Variants in ANAPC2 observed in about 807,000 individuals in gnomAD.
The protein encoded by ANAPC2 is anaphase promoting complex subunit 2.
ANAPC2 carries 29 observed loss-of-function variants against 84.3 expected under a neutral mutation model. That is an observed-to-expected ratio of 0.34 (90% CI 0.26 to 0.47). ANAPC2 has a LOEUF of 0.47. ANAPC2 is among the 20% of genes least tolerant of loss of function. ANAPC2 has a pLI of 1.00. For missense variants in ANAPC2, 857 were observed against 1,131.7 expected, an observed-to-expected ratio of 0.76 and a Z score of 3.48; for synonymous variants, 571 against 479.4, an observed-to-expected ratio of 1.19 and a Z score of -2.50.
intron 8 of ANAPC2, 113 bp from the exon 9 acceptor site, chr9:137,180,640 C>T: frequency 1.9e-6 from 3 of 1,572,400 alleles, no homozygotes; most frequent in South Asian, 1.1e-5. Flanking sequence ...GTGTGGGCAC[C>T]CCAATGGCTA....
intron 3 of ANAPC2, 150 bp downstream of exon 3, chr9:137,186,074 C>T (rs1834460971): frequency 9.1e-7 from 1 of 1,099,610 alleles, no homozygotes; most frequent in Non-Finnish European, 1.3e-6. Context: ...GTACTGGTCT[C>T]TACCCCACAT....
rs1159527437 is a variant in ANAPC2 at position 137,183,459 on chromosome 9, C to T, written c.1168+213G>A. ...AGAACTAAGTCTCATCACCTCAGAC[C>T]TACCGGTCAGTCCTGACTCCCTCCA... On this transcript the variant is annotated intron_variant, in intron 5 of 12. Transcript: ENST00000323927. 3 of 798,324 alleles carry T rather than the reference C, an allele frequency of 3.8e-6. No homozygotes were observed. In the East Asian group the frequency reaches 8.1e-5, roughly 21 times the overall value. The allele number at this position is 798,324 out of a possible 1,614,324, so 49.5% of individuals were successfully genotyped here.
chr9:137,183,806 A>T lies in ANAPC2; in HGVS notation c.1049-15T>A. 1 of 1,612,540 alleles carries T rather than the reference A, an allele frequency of 6.2e-7. No homozygotes were observed. Among genetic ancestry groups the T allele is most frequent in the Admixed American group, 1.7e-5 (1 of 60,004 alleles). ...GTCTGGGAAGTCTACAAGAAGAAGA[A>T]CATCCCTCAGGGACAGACATGGATG... On this transcript the variant is annotated splice_polypyrimidine_tract_variant and intron_variant, in intron 4 of 12. Coordinates refer to ENST00000323927, the MANE Select transcript of ANAPC2 (RefSeq NM_013366.4).
intron 2 of ANAPC2, chr9:137,186,739 T>C (rs1834479774): frequency 4.4e-6 from 1 of 225,728 alleles, no homozygotes; most frequent in Non-Finnish European, 8.7e-6. Flanking sequence ...CAGATGCCAC[T>C]GTTTGTGCCT....
chr9:137,185,260 G>C (rs557946272), intron 3 of ANAPC2, among the ~76,000 whole-genome samples, 173 bp from the exon 4 acceptor site: 1 of 152,316 alleles, frequency 6.6e-6, no homozygotes, highest in Non-Finnish European at 1.5e-5. Context: ...GTGGGTGATG[G>C]CCCAAAAGGC....
rs1834515153 is a variant in ANAPC2 at position 137,188,004 on chromosome 9, C to G, written c.217G>C (p.Glu73Gln). The G allele has an allele frequency of 6.2e-7, 1 of 1,613,760 alleles. No homozygotes were observed. Among genetic ancestry groups the G allele is most frequent in the Admixed American group, 1.7e-5 (1 of 60,004 alleles). The change falls in exon 2 of 13, where the codon GAG (glutamate) becomes CAG (glutamine). Residue 73 changes from glutamate to glutamine, a missense_variant. Coordinates refer to ENST00000323927, the MANE Select transcript of ANAPC2 (RefSeq NM_013366.4). ...RGHGLHSVLE[E>Q]WFVEVLQNDL... ...TTCTGCAGCACCTCCACGAACCACT[C>G]CTCCAGGACCGAGTGTAGCCCGTGG...
At position 137,181,898 on chromosome 9, in the gene ANAPC2, G is replaced by A. The variant is rs563358017; in HGVS notation, c.1287-36C>T. 9 of 1,575,036 alleles carry A rather than the reference G, an allele frequency of 5.7e-6. No individual in the cohort carries two copies. The East Asian group carries it at 2.0e-4, about 35-fold the overall frequency. ...GAGTGCTGCTGTGGCCCACAGTGTGGACACCCCGCGCGCACCTCCCACCAC... is the reference window on the plus strand; with the variant it reads ...GAGTGCTGCTGTGGCCCACAGTGTGAACACCCCGCGCGCACCTCCCACCAC... On this transcript the variant is annotated intron_variant, in intron 6 of 12. Transcript: ENST00000323927.
At chr9:137,178,745 C>G (rs1006937080) in intron 10 of ANAPC2, among the ~76,000 whole-genome samples, 9 of 151,742 alleles carry the variant, frequency 5.9e-5, no homozygotes, top group Non-Finnish European at 1.2e-4. Context: ...CAAGGGACAC[C>G]TGGACTCTTC....
chr9:137,184,893 C>T lies in ANAPC2; in HGVS notation c.1048+20G>A, dbSNP rs1386639138. On this transcript the variant is annotated intron_variant, in intron 4 of 12. Transcript: ENST00000323927. ...ACTCCCCAGACGGGAGAGCGGACCC[C>T]AGGGCCGGGGCAGGACCACCTCGGA... The T allele has an allele frequency of 1.2e-6, 2 of 1,609,132 alleles. No individual in the cohort carries two copies.
At chr9:137,180,652 C>T (rs1034229846) in intron 8 of ANAPC2, 125 bp from the exon 9 acceptor site, 21 of 1,562,124 alleles carry the variant, frequency 1.3e-5, no homozygotes, top group Non-Finnish European at 1.5e-5. Context: ...CAATGGCTAG[C>T]ACACCCCCAG....
In ANAPC2 at chr9:137,179,841, G is replaced by A. The variant is rs533737015; in HGVS notation, c.1890+340C>T. Reference sequence around the variant, plus strand: ...CAAGCCCCGGTTCTGAGAGGCAGAGGGTGGATAGCAAAAGAGGAGGAAACG... The same window carrying A: ...CAAGCCCCGGTTCTGAGAGGCAGAGAGTGGATAGCAAAAGAGGAGGAAACG... On this transcript the variant is annotated intron_variant, in intron 10 of 12. Coordinates refer to ENST00000323927, the MANE Select transcript of ANAPC2 (RefSeq NM_013366.4). Among the ~76,000 whole-genome samples, 3 of 152,370 alleles carry A rather than the reference G, an allele frequency of 2.0e-5. No individual in the cohort carries two copies. In the South Asian group the frequency reaches 6.2e-4, roughly 32 times the overall value.
chr9:137,177,630 C>A (rs1352684596), intron 10 of ANAPC2, among the ~76,000 whole-genome samples: 1 of 152,168 alleles, frequency 6.6e-6, no homozygotes, highest in Admixed American at 6.5e-5. Context: ...GACACTGGGG[C>A]TGTCACTTGC....
At chr9:137,183,894 C>A in intron 4 of ANAPC2, 103 bp from the exon 5 acceptor site, 1 of 1,501,286 alleles carries the variant, frequency 6.7e-7, no homozygotes. Context: ...TGCTTGCCAG[C>A]CCCAGGACGA....
intron 6 of ANAPC2, among the ~76,000 whole-genome samples, chr9:137,182,136 C>T (rs1299985582): frequency 5.9e-5 from 9 of 152,196 alleles, no homozygotes; most frequent in Non-Finnish European, 2.9e-5. Context: ...GACCTAAGCC[C>T]AGGTGTCCGA....
At position 137,180,479 on chromosome 9, in the gene ANAPC2, T is replaced by C. The variant is rs1379048817; in HGVS notation, c.1659A>G (p.Pro553=). The change falls in exon 9 of 13, where the codon CCA becomes CCG. Residue 553 remains proline (P), a synonymous_variant. Coordinates refer to ENST00000323927, the MANE Select transcript of ANAPC2 (RefSeq NM_013366.4). ...TCAGCATGACTTCACAGAAGTGCAT[T>C]GGGGCCTCGCCAAAGCGCAGCTTCA... The part of the protein sequence containing the change: ...ELLKLRFGEA[P]MHFCEVMLKD... The C allele has an allele frequency of 4.3e-6, 7 of 1,612,960 alleles. No individual in the cohort carries two copies. The highest frequency in any genetic ancestry group is 1.3e-5 in the African/African-American group (1 of 75,044).
Position 137,180,940 on chromosome 9 carries a change from G to A in ANAPC2, c.1469-11C>T. On this transcript the variant is annotated splice_polypyrimidine_tract_variant and intron_variant, in intron 7 of 12. Coordinates refer to ENST00000323927, the MANE Select transcript of ANAPC2 (RefSeq NM_013366.4). ...TGGAGCTCGACTTCCCTGGCATGGT[G>A]GGGGCAGGGGTGTCACCTGACAGGC... is the stretch of plus-strand genomic sequence containing the variant. 6.2e-7 allele frequency: 1 copy of A among 1,611,470 alleles called. No homozygotes were observed.
intron 4 of ANAPC2, among the ~76,000 whole-genome samples, chr9:137,184,575 G>T (rs1044493796): frequency 7.7e-6 from 1 of 130,164 alleles, no homozygotes; most frequent in African/African-American, 3.0e-5. Context: ...GAGCCCAGAC[G>T]CAGACAGAGC....
chr9:137,183,588 G>A, intron 5 of ANAPC2, 84 bp downstream of exon 5: 3 of 1,530,776 alleles, frequency 2.0e-6, no homozygotes, highest in Non-Finnish European at 2.6e-6. Flanking sequence ...AGGGCTGGCA[G>A]ACTAGGCCCC....
chr9:137,175,911 C>T lies in ANAPC2; in HGVS notation c.1891-74G>A, dbSNP rs533656560. 4.2e-4 allele frequency: 622 copies of T among 1,498,140 alleles called. 2 individuals are homozygous for T. The highest frequency in any genetic ancestry group is 8.4e-4 in the South Asian group (65 of 77,496). The allele number at this position is 1,498,140 out of a possible 1,614,324, so 92.8% of individuals were successfully genotyped here. A position where few individuals can be genotyped will look rare whatever the true frequency, so the allele number is the denominator to read the frequency against. ...GGCCCGTGGGCTCTGCCACCTGGTA[C>T]CAGTGAGAAAGGGGCTCCCAGAGCC... On this transcript the variant is annotated intron_variant, in intron 10 of 12. Transcript: ENST00000323927.
Sources: allele counts gnomAD v4.1 joint callset (sites outside exome capture counted in the v4.1 genomes callset), GRCh38; gene constraint gnomAD v4.1.1; transcripts MANE v1.5; gene names NCBI Gene and HGNC (gene_info 2026-07-23, HGNC 2026-07-21).